The following VAV3 variants were observed in gnomAD, a reference collection of about 807,000 sequenced individuals.
The protein encoded by VAV3 is vav guanine nucleotide exchange factor 3, also known as guanine nucleotide exchange factor VAV3.
A neutral mutation model predicts 131.2 loss-of-function variants in VAV3; 94 were observed. The ratio of observed to expected loss-of-function variants is 0.72; its 90% CI spans 0.61 to 0.85. The LOEUF (loss-of-function observed/expected upper bound fraction) is 0.85. VAV3 is among the 40% of genes least tolerant of loss of function. The pLI, the probability that VAV3 is intolerant of heterozygous loss-of-function variation, is 0.00. For missense variants in VAV3, 939 were observed against 1,002.7 expected, an observed-to-expected ratio of 0.94 and a Z score of 0.86; for synonymous variants, 349 against 342.0, an observed-to-expected ratio of 1.02 and a Z score of -0.22.
intron 2 of VAV3, among the ~76,000 whole-genome samples, chr1:107,809,704 G>A (rs1232206134): frequency 6.6e-6 from 1 of 152,158 alleles, no homozygotes; most frequent in Non-Finnish European, 1.5e-5. Context: ...ACTACACTGT[G>A]CAAATTACAA....
chr1:107,619,753 A>C (rs1215750373), intron 20 of VAV3, among the ~76,000 whole-genome samples: 1 of 152,190 alleles, frequency 6.6e-6, no homozygotes, highest in Non-Finnish European at 1.5e-5. Context: ...GTAAACTGTC[A>C]ACTTCCACTC....
At chr1:107,928,172 C>G (rs1229616520) in intron 1 of VAV3, among the ~76,000 whole-genome samples, 1 of 152,156 alleles carries the variant, frequency 6.6e-6, no homozygotes, top group South Asian at 2.1e-4. Context: ...CAAGGCGGTG[C>G]CTCTACAACT....
intron 15 of VAV3, among the ~76,000 whole-genome samples, chr1:107,740,259 G>A (rs1662931312): frequency 2.0e-5 from 3 of 151,012 alleles, no homozygotes; most frequent in Admixed American, 1.3e-4. Flanking sequence ...TGTACTCTAG[G>A]CTGGGCGACA....
At chr1:107,703,590 C>T (rs1424648180) in intron 17 of VAV3, among the ~76,000 whole-genome samples, 1 of 152,178 alleles carries the variant, frequency 6.6e-6, no homozygotes, top group East Asian at 1.9e-4. Context: ...TGATCTCAGT[C>T]GTCTAATAGG....
chr1:107,932,600 T>C (rs1673495207), intron 1 of VAV3, among the ~76,000 whole-genome samples: 2 of 152,214 alleles, frequency 1.3e-5, no homozygotes, highest in South Asian at 2.1e-4. Flanking sequence ...TACTTTATTA[T>C]GGTAAAAGGG....
intron 2 of VAV3, among the ~76,000 whole-genome samples, chr1:107,788,258 G>A (rs747728814): frequency 3.3e-5 from 5 of 151,936 alleles, no homozygotes; most frequent in Non-Finnish European, 5.9e-5. Flanking sequence ...TTACCACCAT[G>A]CCAGCCCCAA....
intron 1 of VAV3, among the ~76,000 whole-genome samples, chr1:107,888,304 C>T (rs1671136803): frequency 6.6e-6 from 1 of 152,176 alleles, no homozygotes; most frequent in Non-Finnish European, 1.5e-5. Flanking sequence ...AACCAACAAA[C>T]CCAGTGTTTA....
intron 15 of VAV3, among the ~76,000 whole-genome samples, chr1:107,738,462 C>T (rs1056099078): frequency 6.6e-6 from 1 of 152,152 alleles, no homozygotes; most frequent in Non-Finnish European, 1.5e-5. Flanking sequence ...ACTTCCTGGG[C>T]ATGTATTGTG....
intron 1 of VAV3, among the ~76,000 whole-genome samples, chr1:107,916,182 C>T (rs1672612414): frequency 6.6e-6 from 1 of 151,866 alleles, no homozygotes; most frequent in African/African-American, 2.4e-5. Flanking sequence ...GAGTGTTGCA[C>T]ACAAAAAAAT....
intron 22 of VAV3, 151 bp downstream of exon 22, chr1:107,609,780 T>C: frequency 5.3e-6 from 4 of 755,342 alleles, no homozygotes; most frequent in South Asian, 3.7e-5. Flanking sequence ...CAGCAATACA[T>C]GAATTCATTA....
chr1:107,837,886 C>T (rs1163427447), intron 2 of VAV3, among the ~76,000 whole-genome samples: 1 of 152,086 alleles, frequency 6.6e-6, no homozygotes, highest in East Asian at 1.9e-4. Flanking sequence ...CAAAAATCAA[C>T]TCGAGATGGA....
rs1023881671 is a variant in VAV3, at chr1:107,936,110, G to A, written c.204+28556C>T. Among the ~76,000 whole-genome samples the A allele has an allele frequency of 4.6e-5, 7 of 152,254 alleles. No individual in the cohort carries two copies. The East Asian group carries it at 1.4e-3, about 29-fold the overall frequency. ...GATGAACTAATAATTTTTAAAATGT[G>A]AATTGAGAAGGGAGAGGAGGGGCTC... On this transcript the variant is annotated intron_variant, in intron 1 of 26. Coordinates refer to ENST00000370056, the MANE Select transcript of VAV3 (RefSeq NM_006113.5).
chr1:107,625,661 G>A (rs542707533), intron 20 of VAV3, among the ~76,000 whole-genome samples: 6 of 152,256 alleles, frequency 3.9e-5, no homozygotes, highest in Non-Finnish European at 5.9e-5. Flanking sequence ...TCTATTTTCC[G>A]AAGCACATAA....
chr1:107,794,288 TGTACCACCCATG>T (rs1666437597), intron 2 of VAV3, among the ~76,000 whole-genome samples: 2 of 152,254 alleles, frequency 1.3e-5, no homozygotes, highest in Non-Finnish European at 2.9e-5. Context: ...TTGTGTGTGC[TGTACCACCCATG>T]GGCCAGTACT....
intron 1 of VAV3, among the ~76,000 whole-genome samples, chr1:107,961,944 C>T (rs1469582463): frequency 6.6e-6 from 1 of 152,210 alleles, no homozygotes; most frequent in African/African-American, 2.4e-5. Flanking sequence ...GGAATAAACA[C>T]TCATTTTAAA....
At chr1:107,760,689 C>T in intron 10 of VAV3, 95 bp downstream of exon 10, 1 of 925,348 alleles carries the variant, frequency 1.1e-6, no homozygotes, top group Non-Finnish European at 1.7e-6. Flanking sequence ...GGGATTGGGC[C>T]CAACACATGG....
intron 15 of VAV3, among the ~76,000 whole-genome samples, chr1:107,724,522 T>C (rs1214574864): frequency 2.6e-5 from 4 of 152,160 alleles, no homozygotes; most frequent in Non-Finnish European, 4.4e-5. Context: ...CAATCTAGGA[T>C]GAAGATAGAG....
At chr1:107,637,360 C>A (rs947054493) in intron 20 of VAV3, among the ~76,000 whole-genome samples, 1 of 152,060 alleles carries the variant, frequency 6.6e-6, no homozygotes, top group Non-Finnish European at 1.5e-5. Context: ...TGCTGACTCA[C>A]GCCTGTAATC....
chr1:107,846,373 T>A (rs1668968286), intron 2 of VAV3, among the ~76,000 whole-genome samples: 1 of 151,074 alleles, frequency 6.6e-6, no homozygotes, highest in Non-Finnish European at 1.5e-5. Context: ...ATCAACACTG[T>A]GAAGAAACTG....
Sources: gnomAD v4.1 joint callset for allele counts (sites outside exome capture counted in the v4.1 genomes callset) on GRCh38, gnomAD v4.1.1 for gene constraint, MANE v1.5 for transcripts, NCBI Gene and HGNC (gene_info 2026-07-23, HGNC 2026-07-21) for gene names.